Variants in SIPA1L3 observed in about 807,000 individuals in gnomAD.
SIPA1L3 encodes the protein signal-induced proliferation-associated 1-like protein 3.
Under a neutral mutation model 150.1 loss-of-function variants are expected in SIPA1L3, and 59 were observed. That is an observed-to-expected ratio of 0.39 (90% CI 0.32 to 0.49). The LOEUF (loss-of-function observed/expected upper bound fraction) is 0.49, where lower values mean the gene tolerates loss of function less well. SIPA1L3 is among the 20% of genes least tolerant of loss of function. The pLI is 0.86. For synonymous variants in SIPA1L3, 1,070 were observed against 1,077.6 expected, an observed-to-expected ratio of 0.99 and a Z score of 0.14; for missense variants, 2,211 against 2,489.5, an observed-to-expected ratio of 0.89 and a Z score of 2.38.
rs774801235 is a variant in SIPA1L3 at position 38,141,401 on chromosome 19, C to A, written c.3361C>A (p.Pro1121Thr). The A allele has an allele frequency of 6.2e-7, 1 of 1,612,300 alleles. No individual in the cohort carries two copies. Among genetic ancestry groups the A allele is most frequent in the African/African-American group, 1.3e-5 (1 of 74,910 alleles). ...SRPLKQTPIV[P>T]FRESQPLHSK... ...GCCCCTGAAGCAGACCCCCATAGTCCCCTTCCGGGAGTCCCAGCCACTGCA... is the reference window on the plus strand; with the variant it reads ...GCCCCTGAAGCAGACCCCCATAGTCACCTTCCGGGAGTCCCAGCCACTGCA... Residue 1121 changes from proline (P) to threonine (T), a missense_variant, in exon 11 of 22, where the codon CCC becomes ACC. Pro to Thr is a conservative substitution (Grantham distance 38). Transcript: ENST00000222345.
At chr19:37,987,250 C>G (rs1432358837) in intron 1 of SIPA1L3, among the ~76,000 whole-genome samples, 8 of 152,042 alleles carry the variant, frequency 5.3e-5, no homozygotes, top group Admixed American at 5.2e-4. Context: ...TCAGTGAGCT[C>G]CCAGGTGATG....
intron 13 of SIPA1L3, among the ~76,000 whole-genome samples, chr19:38,159,180 C>T (rs938689050): frequency 3.9e-5 from 6 of 152,220 alleles, no homozygotes; most frequent in Non-Finnish European, 7.3e-5. Flanking sequence ...GCCACACACG[C>T]GGTGACACCC....
At chr19:38,107,366 C>T (rs1344082545) in intron 7 of SIPA1L3, among the ~76,000 whole-genome samples, 6 of 152,256 alleles carry the variant, frequency 3.9e-5, no homozygotes, top group East Asian at 1.9e-4. Flanking sequence ...CAACTTGAAA[C>T]GGATGGAGGT....
At chr19:38,184,744 T>C (rs940573433) in intron 16 of SIPA1L3, 3 of 152,162 alleles carry the variant, frequency 2.0e-5, no homozygotes, top group African/African-American at 7.2e-5. Flanking sequence ...AGCAGGCAAG[T>C]GTGCTGAGCT....
intron 2 of SIPA1L3, among the ~76,000 whole-genome samples, chr19:38,045,919 G>A (rs1568518511): frequency 6.6e-6 from 1 of 152,144 alleles, no homozygotes; most frequent in African/African-American, 2.4e-5. Flanking sequence ...GCCCCTGGGA[G>A]CCACAGAAGG....
chr19:38,023,043 A>C lies in SIPA1L3; in HGVS notation c.-378-6046A>C, dbSNP rs1259270861. ...GTGTTGTCAGCCTGGCATTTCGGCCAATCTGCTGTGTGTGGAATGGCCACA... is the reference window on the plus strand; with the variant it reads ...GTGTTGTCAGCCTGGCATTTCGGCCCATCTGCTGTGTGTGGAATGGCCACA... On this transcript the variant is annotated intron_variant, in intron 1 of 21. Coordinates refer to ENST00000222345, the MANE Select transcript of SIPA1L3 (RefSeq NM_015073.3). 2.6e-5 allele frequency among the ~76,000 whole-genome samples: 4 copies of C among 152,194 alleles called. No individual in the cohort carries two copies. In the East Asian group the frequency reaches 7.7e-4, roughly 29 times the overall value.
intron 1 of SIPA1L3, among the ~76,000 whole-genome samples, chr19:37,912,072 T>TA (rs964134764): frequency 1.3e-5 from 2 of 149,328 alleles, no homozygotes; most frequent in Admixed American, 6.7e-5. Flanking sequence ...ACTCCATCTA[T>TA]AAAAAAAAGA....
chr19:38,164,408 G>A lies in SIPA1L3; in HGVS notation c.3781-71G>A. The A allele has an allele frequency of 6.9e-7, 1 of 1,447,880 alleles. No individual in the cohort carries two copies. The highest frequency in any genetic ancestry group is 1.3e-5 in the South Asian group (1 of 78,618). The allele number at this position is 1,447,880 out of a possible 1,614,324, so 89.7% of individuals were successfully genotyped here. A position where few individuals can be genotyped will look rare whatever the true frequency, so the allele number is the denominator to read the frequency against. ...TCCCAGGGTTCAGGCCCAGGCAGAGGGAGGACCCGGCAAGGGAAGATGCGC... is the reference window on the plus strand; with the variant it reads ...TCCCAGGGTTCAGGCCCAGGCAGAGAGAGGACCCGGCAAGGGAAGATGCGC... On this transcript the variant is annotated intron_variant, in intron 14 of 21. Coordinates refer to ENST00000222345, the MANE Select transcript of SIPA1L3 (RefSeq NM_015073.3). This position sits in a 1 kb window ranked among gnomAD's most constrained non-coding sequence, Gnocchi z 4.1.
At chr19:38,090,420 G>T (rs769725942) in intron 4 of SIPA1L3, among the ~76,000 whole-genome samples, 1 of 151,840 alleles carries the variant, frequency 6.6e-6, no homozygotes, top group African/African-American at 2.4e-5. Context: ...TGAGCCAGTC[G>T]CTGTGATCAG....
chr19:38,091,930 A>G (rs1970267791), intron 4 of SIPA1L3, among the ~76,000 whole-genome samples: 1 of 151,864 alleles, frequency 6.6e-6, no homozygotes, highest in African/African-American at 2.4e-5. Flanking sequence ...TAGGCATGGT[A>G]GCAGGTGACT....
intron 18 of SIPA1L3, among the ~76,000 whole-genome samples, chr19:38,195,823 C>T: frequency 7.2e-6 from 1 of 138,312 alleles, no homozygotes; most frequent in African/African-American, 2.6e-5. Flanking sequence ...TTTCTCTCAC[C>T]CCCCTCCGTC....
chr19:38,000,925 T>TATATATATAAC (rs1967781749), intron 1 of SIPA1L3, among the ~76,000 whole-genome samples: 1 of 66,010 alleles, frequency 1.5e-5, no homozygotes, highest in African/African-American at 4.9e-5. Flanking sequence ...ATATATAACA[T>TATATATATAAC]ATATATAACA....
chr19:38,021,563 A>G (rs1357802912), intron 1 of SIPA1L3, among the ~76,000 whole-genome samples: 3 of 147,468 alleles, frequency 2.0e-5, no homozygotes, highest in Admixed American at 2.0e-4. Flanking sequence ...TTTTTTGGAG[A>G]CAGAATCTTG....
chr19:38,090,847 A>G lies in SIPA1L3; in HGVS notation c.1665+1996A>G, dbSNP rs540761773. 1.1e-4 allele frequency among the ~76,000 whole-genome samples: 16 copies of G among 152,194 alleles called. No homozygotes were observed. The South Asian group carries it at 2.9e-3, about 28-fold the overall frequency. On this transcript the variant is annotated intron_variant, in intron 4 of 21. Coordinates refer to ENST00000222345, the MANE Select transcript of SIPA1L3 (RefSeq NM_015073.3). ...CCCATCCCCTGACCAAGACCTTCCC[A>G]CTGAGTTGGGGGAATGGGATGGCAT... is the stretch of plus-strand genomic sequence containing the variant.
At chr19:37,997,236 A>G (rs946182158) in intron 1 of SIPA1L3, among the ~76,000 whole-genome samples, 2 of 152,116 alleles carry the variant, frequency 1.3e-5, no homozygotes, top group Admixed American at 1.3e-4. Context: ...AGGGTTTGGG[A>G]AGATTCCACA....
chr19:38,066,129 C>T (rs1257850937), intron 2 of SIPA1L3, among the ~76,000 whole-genome samples: 2 of 151,750 alleles, frequency 1.3e-5, no homozygotes, highest in East Asian at 3.9e-4. Context: ...CCTCCCGCCT[C>T]AGCCTCTTGA....
intron 16 of SIPA1L3, among the ~76,000 whole-genome samples, chr19:38,189,096 C>G (rs1972751720): frequency 6.6e-6 from 1 of 151,746 alleles, no homozygotes; most frequent in African/African-American, 2.4e-5. Flanking sequence ...TGGTCACCTC[C>G]TGCATATGAA....
chr19:37,936,510 T>G (rs937600349), intron 1 of SIPA1L3, among the ~76,000 whole-genome samples: 1 of 152,236 alleles, frequency 6.6e-6, no homozygotes, highest in Non-Finnish European at 1.5e-5. Flanking sequence ...TCGAAGTTAG[T>G]CTAATGATAA....
At chr19:38,191,929 G>A (rs1402998227) in intron 16 of SIPA1L3, among the ~76,000 whole-genome samples, 1 of 152,180 alleles carries the variant, frequency 6.6e-6, no homozygotes, top group African/African-American at 2.4e-5. Context: ...CCAGCACCTG[G>A]GACAGGACAG....
Sources: gnomAD v4.1 joint callset for allele counts (sites outside exome capture counted in the v4.1 genomes callset) on GRCh38, gnomAD v4.1.1 for gene constraint, Gnocchi (gnomAD v3.1) non-coding constraint, MANE v1.5 for transcripts, NCBI Gene and HGNC (gene_info 2026-07-23, HGNC 2026-07-21) for gene names.